The following NUDCD3 variants were observed in gnomAD, a reference collection of about 807,000 sequenced individuals.
The protein encoded by NUDCD3 is nudC domain-containing protein 3.
A neutral mutation model predicts 39.7 loss-of-function variants in NUDCD3; 13 were observed. The ratio of observed to expected loss-of-function variants is 0.33; its 90% CI spans 0.21 to 0.52. The LOEUF is 0.52. Ranked by LOEUF, NUDCD3 falls within the 20% of genes least tolerant of loss-of-function variation. The pLI, the probability that NUDCD3 is intolerant of heterozygous loss-of-function variation, is 0.96. For synonymous variants in NUDCD3, 175 were observed against 172.4 expected (o/e 1.02, Z -0.12); for missense variants, 453 against 458.1 (o/e 0.99, Z 0.10).
chr7:44,392,521 C>T, intron 4 of NUDCD3, 36 bp from the exon 5 acceptor site: 2 of 1,592,014 alleles, frequency 1.3e-6, no homozygotes, highest in Non-Finnish European at 1.7e-6. Context: ...GAGTCAGAGA[C>T]CTGAGACAGG....
chr7:44,413,467 C>T (rs1413477388), intron 3 of NUDCD3, among the ~76,000 whole-genome samples: 5 of 151,996 alleles, frequency 3.3e-5, no homozygotes, highest in Non-Finnish European at 7.4e-5. Context: ...ATACAGAACT[C>T]CTAGAAATCA....
At chr7:44,460,736 C>T (rs1397466156) in intron 2 of NUDCD3, among the ~76,000 whole-genome samples, 2 of 152,096 alleles carry the variant, frequency 1.3e-5, no homozygotes, top group South Asian at 2.1e-4. Flanking sequence ...GGATAGGATG[C>T]TTTAATTTGG....
intron 4 of NUDCD3, among the ~76,000 whole-genome samples, chr7:44,401,773 T>TA (rs1798731648): frequency 6.6e-6 from 1 of 151,904 alleles, no homozygotes. Flanking sequence ...GAAAGCTAAC[T>TA]AAAAAAACTA....
chr7:44,456,466 G>C (rs1292803735), intron 2 of NUDCD3, among the ~76,000 whole-genome samples: 2 of 152,124 alleles, frequency 1.3e-5, no homozygotes, highest in Admixed American at 6.5e-5. Flanking sequence ...CACTCGACTT[G>C]TCATATCAAA....
intron 2 of NUDCD3, among the ~76,000 whole-genome samples, chr7:44,464,683 G>C (rs1800085468): frequency 6.6e-6 from 1 of 152,116 alleles, no homozygotes; most frequent in Non-Finnish European, 1.5e-5. Flanking sequence ...CGAGCTCTTG[G>C]CCTCAAGTAA....
intron 4 of NUDCD3, among the ~76,000 whole-genome samples, chr7:44,397,161 T>C (rs776841145): frequency 1.3e-5 from 2 of 152,224 alleles, no homozygotes; most frequent in African/African-American, 4.8e-5. Context: ...GAATGTCACA[T>C]GTGTGGAATC....
intron 3 of NUDCD3, among the ~76,000 whole-genome samples, chr7:44,412,456 T>C (rs931095201): frequency 6.6e-6 from 1 of 152,234 alleles, no homozygotes; most frequent in Non-Finnish European, 1.5e-5. Context: ...TTTTTAAACA[T>C]TTGCATTTTA....
intron 4 of NUDCD3, among the ~76,000 whole-genome samples, chr7:44,401,926 A>G (rs1025907812): frequency 2.0e-5 from 3 of 151,934 alleles, no homozygotes; most frequent in African/African-American, 7.3e-5. Context: ...AGCTCCCCCA[A>G]CCTCCTGCCT....
At chr7:44,451,263 A>T (rs1224407916) in intron 2 of NUDCD3, among the ~76,000 whole-genome samples, 2 of 152,246 alleles carry the variant, frequency 1.3e-5, no homozygotes, top group Non-Finnish European at 2.9e-5. Flanking sequence ...TTCCATTTAC[A>T]TGAGGTACCC....
chr7:44,459,025 A>C (rs1426664997), intron 2 of NUDCD3, among the ~76,000 whole-genome samples: 1 of 148,834 alleles, frequency 6.7e-6, no homozygotes, highest in Non-Finnish European at 1.5e-5. Context: ...AGCCTGGAGA[A>C]AGGTGTGCAA....
At chr7:44,394,131 G>C (rs1250893731) in intron 4 of NUDCD3, among the ~76,000 whole-genome samples, 5 of 152,208 alleles carry the variant, frequency 3.3e-5, no homozygotes, top group Admixed American at 2.0e-4. Context: ...AGATTTTCCA[G>C]AACTGGGAAG....
chr7:44,458,663 G>GA (rs11375227), intron 2 of NUDCD3, among the ~76,000 whole-genome samples: 33,034 of 150,392 alleles, frequency 0.22, 4,011 homozygotes, highest in African/African-American at 0.29. Flanking sequence ...TGTCTCGGGG[G>GA]AAAAAAAAAG....
chr7:44,393,258 G>A (rs926723698), intron 4 of NUDCD3, among the ~76,000 whole-genome samples: 3 of 152,152 alleles, frequency 2.0e-5, no homozygotes, highest in Admixed American at 2.0e-4. Context: ...ACATCCCTTG[G>A]TCAAAGGAAG....
In NUDCD3 at chr7:44,485,528, T is replaced by C. The variant is rs2116985421; in HGVS notation, c.193-244A>G. 4 of 463,198 alleles carry C rather than the reference T, an allele frequency of 8.6e-6. 1 individual carries two copies. The highest frequency in any genetic ancestry group is 7.2e-5 in the Admixed American group (2 of 27,850). The allele number at this position is 463,198 out of a possible 1,614,324, so 28.7% of individuals were successfully genotyped here. ...TAAGCCAAGGCTAACAATATTTACA[T>C]ACCTAAAAGATGTACAGTTAGATGG... On this transcript the variant is annotated intron_variant, in intron 1 of 5. Coordinates refer to ENST00000355451, the MANE Select transcript of NUDCD3 (RefSeq NM_015332.4).
At chr7:44,477,529 G>T (rs1174101616) in intron 2 of NUDCD3, among the ~76,000 whole-genome samples, 1 of 152,156 alleles carries the variant, frequency 6.6e-6, no homozygotes, top group Non-Finnish European at 1.5e-5. Context: ...AGCAACACCT[G>T]CAGGTCAAGA....
At chr7:44,388,215 C>A in intron 5 of NUDCD3, among the ~76,000 whole-genome samples, 1 of 152,208 alleles carries the variant, frequency 6.6e-6, no homozygotes, top group Admixed American at 6.5e-5. Context: ...AAATGGGCAT[C>A]AATGCCAGAG....
intron 3 of NUDCD3, among the ~76,000 whole-genome samples, chr7:44,408,741 G>A (rs1315367819): frequency 1.3e-5 from 2 of 152,218 alleles, no homozygotes; most frequent in African/African-American, 4.8e-5. Context: ...AGTAAGAACA[G>A]TGAGCTCTGT....
At chr7:44,487,726 T>C (rs952149393) in intron 1 of NUDCD3, among the ~76,000 whole-genome samples, 5 of 149,002 alleles carry the variant, frequency 3.4e-5, no homozygotes, top group African/African-American at 1.2e-4. Flanking sequence ...CTGAGGCGGG[T>C]GATCACCTGA....
intron 5 of NUDCD3, 105 bp from the exon 6 acceptor site, chr7:44,386,226 G>A: frequency 3.2e-6 from 4 of 1,265,114 alleles, no homozygotes; most frequent in East Asian, 2.5e-5. Context: ...CTTCCTCAGG[G>A]CTCAGGCACT....
Sources: allele counts gnomAD v4.1 joint callset (sites outside exome capture counted in the v4.1 genomes callset), GRCh38; gene constraint gnomAD v4.1.1; transcripts MANE v1.5; gene names NCBI Gene and HGNC (gene_info 2026-07-23, HGNC 2026-07-21).